PRKRIP1: variants seen among roughly 807,000 people sequenced by gnomAD.
PRKRIP1 encodes PRKR-interacting protein 1.
Under a neutral mutation model 29.3 loss-of-function variants are expected in PRKRIP1, and 29 were observed. The observed-to-expected ratio is 0.99, with a 90% CI of 0.74 to 1.35. PRKRIP1 has a LOEUF of 1.35. PRKRIP1 is among the 40% of genes most tolerant of loss of function. PRKRIP1 has a pLI of 0.00. For synonymous variants in PRKRIP1, 90 were observed against 85.1 expected, an observed-to-expected ratio of 1.06 and a Z score of -0.32; for missense variants, 247 against 236.8, an observed-to-expected ratio of 1.04 and a Z score of -0.28.
intron 5 of PRKRIP1, among the ~76,000 whole-genome samples, chr7:102,408,784 G>A (rs1012420293): frequency 2.6e-5 from 4 of 152,220 alleles, no homozygotes; most frequent in Non-Finnish European, 5.9e-5. Flanking sequence ...GGCTGAGGCA[G>A]GAGAATCACT....
At chr7:102,415,758 A>G (rs891479654) in intron 5 of PRKRIP1, among the ~76,000 whole-genome samples, 2 of 152,216 alleles carry the variant, frequency 1.3e-5, no homozygotes, top group Non-Finnish European at 2.9e-5. Flanking sequence ...GGCACCCACA[A>G]AGCTGCAGAG....
intron 5 of PRKRIP1, among the ~76,000 whole-genome samples, chr7:102,417,785 G>A (rs1304873238): frequency 6.6e-6 from 1 of 151,708 alleles, no homozygotes; most frequent in Non-Finnish European, 1.5e-5. Flanking sequence ...GCCCGGCTCA[G>A]TTTTAAAATT....
At chr7:102,405,936 C>G in intron 4 of PRKRIP1, 1 of 336,292 alleles carries the variant, frequency 3.0e-6, no homozygotes, top group South Asian at 2.7e-5. Flanking sequence ...TTTCTGCATC[C>G]CGCTGGTTGT....
intron 1 of PRKRIP1, 85 bp from the exon 2 acceptor site, chr7:102,397,535 G>A (rs886177388): frequency 1.8e-6 from 2 of 1,111,520 alleles, no homozygotes; most frequent in East Asian, 2.4e-5. Flanking sequence ...AACAGAGCAA[G>A]AACCTGTCTC....
chr7:102,412,487 C>T (rs1344864951), intron 5 of PRKRIP1, among the ~76,000 whole-genome samples: 6 of 152,000 alleles, frequency 3.9e-5, no homozygotes, highest in Admixed American at 1.3e-4. Context: ...CCCAGGTAGC[C>T]GAGGCGGCAG....
rs1054770525 is a variant in PRKRIP1 at position 102,418,432 on chromosome 7, G to A, written c.458-6582G>A. Among the ~76,000 whole-genome samples, 3 of 152,124 alleles carry A rather than the reference G, an allele frequency of 2.0e-5. No individual in the cohort carries two copies. In the East Asian group the frequency reaches 5.8e-4, roughly 29 times the overall value. On this transcript the variant is annotated intron_variant, in intron 5 of 5. Transcript: ENST00000397912. ...CTAGGCATGTTCTGTGCTACTGGAT[G>A]GTTGCTTTTAGGCTCTCTCAGCTGA...
At chr7:102,415,634 T>C (rs1796515089) in intron 5 of PRKRIP1, among the ~76,000 whole-genome samples, 1 of 152,226 alleles carries the variant, frequency 6.6e-6, no homozygotes. Flanking sequence ...TACCCCTAGT[T>C]CTAAATGCTT....
chr7:102,409,113 G>T (rs2133182369), intron 5 of PRKRIP1, among the ~76,000 whole-genome samples: 1 of 152,276 alleles, frequency 6.6e-6, no homozygotes, highest in South Asian at 2.1e-4. Context: ...GGCAGAGGTT[G>T]CAGTGAGCTG....
chr7:102,421,402 AGG>A (rs1796688308), intron 5 of PRKRIP1, among the ~76,000 whole-genome samples: 1 of 152,002 alleles, frequency 6.6e-6, no homozygotes, highest in African/African-American at 2.4e-5. Context: ...AAAATTAGCC[AGG>A]TGTGGTGGCA....
chr7:102,423,711 A>G (rs1160415031), intron 5 of PRKRIP1, among the ~76,000 whole-genome samples: 2 of 152,064 alleles, frequency 1.3e-5, no homozygotes, highest in African/African-American at 4.8e-5. Flanking sequence ...TTTAAAAAAA[A>G]AAAAATCTGT....
chr7:102,415,501 G>A (rs191124601), intron 5 of PRKRIP1, among the ~76,000 whole-genome samples: 1,709 of 152,342 alleles, frequency 0.011, 11 homozygotes, highest in Middle Eastern at 0.041. Context: ...CTCCCAAAGC[G>A]CTGGGATTAC....
Position 102,396,551 on chromosome 7 carries a change from C to T in PRKRIP1, c.126+14C>T. 1.2e-6 allele frequency: 2 copies of T among 1,603,988 alleles called. No individual in the cohort carries two copies. Among genetic ancestry groups the T allele is most frequent in the Middle Eastern group, 1.7e-4 (1 of 5,750 alleles). ...ATGAAGAACCCGGTGAGACGAGGCC[C>T]AGGCTCCACGGCCCGTCCGAGGCCC... On this transcript the variant is annotated intron_variant, in intron 1 of 5. Transcript: ENST00000397912.
chr7:102,423,132 TGA>T, intron 5 of PRKRIP1: 1 of 453,246 alleles, frequency 2.2e-6, no homozygotes. Context: ...TTTTTTTTTT[TGA>T]GACAGAGTCT....
chr7:102,422,971 T>A, intron 5 of PRKRIP1: 1 of 312,328 alleles, frequency 3.2e-6, no homozygotes, highest in Non-Finnish European at 6.6e-6. Flanking sequence ...GCATTTTGGA[T>A]AAGGGATCTG....
chr7:102,400,419 A>G (rs1736993969), intron 3 of PRKRIP1, among the ~76,000 whole-genome samples: 1 of 152,216 alleles, frequency 6.6e-6, no homozygotes, highest in African/African-American at 2.4e-5. Context: ...ATGAATCTTT[A>G]AACATGGTGA....
chr7:102,421,311 A>G lies in PRKRIP1; in HGVS notation c.458-3703A>G, dbSNP rs372337772. Among the ~76,000 whole-genome samples, 5 of 152,178 alleles carry G rather than the reference A, an allele frequency of 3.3e-5. No homozygotes were observed. In the East Asian group the frequency reaches 5.8e-4, roughly 18 times the overall value. On this transcript the variant is annotated intron_variant, in intron 5 of 5. Transcript: ENST00000397912. Reference sequence around the variant, plus strand: ...GTAATCCCAGCACTTTGGGAGGCCAATGAGGGAGGATCACTTGAGCCCAGG... The same window carrying G: ...GTAATCCCAGCACTTTGGGAGGCCAGTGAGGGAGGATCACTTGAGCCCAGG...
intron 5 of PRKRIP1, 55 bp downstream of exon 5, chr7:102,407,553 T>C (rs1796266611): frequency 7.6e-7 from 1 of 1,315,012 alleles, no homozygotes; most frequent in Admixed American, 1.7e-5. Context: ...TTGGTCACAG[T>C]GGCTGAACTG....
intron 5 of PRKRIP1, among the ~76,000 whole-genome samples, chr7:102,412,240 G>C (rs1232441807): frequency 6.6e-6 from 1 of 152,188 alleles, no homozygotes; most frequent in Non-Finnish European, 1.5e-5. Flanking sequence ...GAAGAATAGA[G>C]TGTTCTAAGG....
chr7:102,416,997 A>G (rs1240446705), intron 5 of PRKRIP1, among the ~76,000 whole-genome samples: 1 of 151,994 alleles, frequency 6.6e-6, no homozygotes, highest in Non-Finnish European at 1.5e-5. Flanking sequence ...CTGGGACTAC[A>G]GGCACCCACC....
Sources: gnomAD v4.1 joint callset for allele counts (sites outside exome capture counted in the v4.1 genomes callset) on GRCh38, gnomAD v4.1.1 for gene constraint, MANE v1.5 for transcripts, NCBI Gene and HGNC (gene_info 2026-07-23, HGNC 2026-07-21) for gene names.